Variants in NR2C2AP observed in about 807,000 individuals in gnomAD.
The protein encoded by NR2C2AP is nuclear receptor 2C2-associated protein.
Under a neutral mutation model 19.1 loss-of-function variants are expected in NR2C2AP, and 13 were observed. The ratio of observed to expected loss-of-function variants is 0.68; its 90% CI spans 0.44 to 1.08. The LOEUF (loss-of-function observed/expected upper bound fraction) is 1.08, where lower values mean the gene tolerates loss of function less well. NR2C2AP is among the 50% of genes least tolerant of loss of function. The pLI, the probability that NR2C2AP is intolerant of heterozygous loss-of-function variation, is 0.00. For missense variants in NR2C2AP, 181 were observed against 172.7 expected, an observed-to-expected ratio of 1.05 and a Z score of -0.27; for synonymous variants, 81 against 64.4, an observed-to-expected ratio of 1.26 and a Z score of -1.23.
intron 4 of NR2C2AP, 25 bp from the exon 5 acceptor site, chr19:19,202,066 C>CCAGAAATCACCAGTTTCCCT: frequency 6.2e-7 from 1 of 1,611,898 alleles, no homozygotes; most frequent in Non-Finnish European, 8.5e-7. Context: ...TCAAGGGAAA[C>CCAGAAATCACCAGTTTCCCT]TGGTGATTTC....
At position 19,202,498 on chromosome 19, in the gene NR2C2AP, G is replaced by A. The variant is rs140519538; in HGVS notation, c.207C>T (p.Gly69=). The A allele has an allele frequency of 2.5e-6, 4 of 1,614,090 alleles. No homozygotes were observed. Among genetic ancestry groups the A allele is most frequent in the Non-Finnish European group, 3.4e-6 (4 of 1,180,020 alleles). ...VSQLQIQFQG[G]FSSRRGCLEG... is the part of the protein sequence containing the mutation. ...CCAGGCAGCCCCGGCGACTGGAGAA[G>A]CCACCCTGAAACTGGATCTGCAGCT... Residue 69 remains glycine (G), a synonymous_variant, in exon 3 of 5, where the codon GGC becomes GGT. Coordinates refer to ENST00000331552, the MANE Select transcript of NR2C2AP (RefSeq NM_176880.6).
Position 19,202,414 on chromosome 19 carries a change from G to T in NR2C2AP, c.236-16C>A, listed in dbSNP as rs1212347776. ...CCCTGTGAACCTTCAGCAGAGAAAGGCAATGAGTGTCTGGGGTGACCCCTG... is the reference window on the plus strand; with the variant it reads ...CCCTGTGAACCTTCAGCAGAGAAAGTCAATGAGTGTCTGGGGTGACCCCTG... On this transcript the variant is annotated splice_polypyrimidine_tract_variant and intron_variant, in intron 3 of 4. Coordinates refer to ENST00000331552, the MANE Select transcript of NR2C2AP (RefSeq NM_176880.6). 5 of 1,613,872 alleles carry T rather than the reference G, an allele frequency of 3.1e-6. No individual in the cohort carries two copies. Among genetic ancestry groups the T allele is most frequent in the Middle Eastern group, 1.6e-4 (1 of 6,084 alleles).
Position 19,202,456 on chromosome 19 carries a change from G to A in NR2C2AP, c.235+14C>T, listed in dbSNP as rs772996150. 3.1e-6 allele frequency: 5 copies of A among 1,613,328 alleles called. No individual in the cohort carries two copies. In the African/African-American group the frequency reaches 6.7e-5, roughly 22 times the overall value. On this transcript the variant is annotated intron_variant, in intron 3 of 4. Transcript: ENST00000331552. ...TGACCCCTGGAACCCCTGCCACCCA[G>A]GGCCTTCTAGTACCTTCCAGGCAGC...
Position 19,201,467 on chromosome 19 carries a change from T to C in NR2C2AP, c.*458A>G, listed in dbSNP as rs775028129. The stretch of plus-strand genomic sequence containing the variant: ...CTGAAAAGCTACAAAAGTGCATTTT[T>C]ACAAACTTAGGGGAAGTTGAGGTTC... On this transcript the variant is annotated 3_prime_UTR_variant, in exon 5 of 5. Transcript: ENST00000331552. The C allele has an allele frequency of 1.3e-6, 2 of 1,564,666 alleles. No individual in the cohort carries two copies. The highest frequency in any genetic ancestry group is 4.7e-5 in the East Asian group (2 of 42,548).
At position 19,201,706 on chromosome 19, in the gene NR2C2AP, C is replaced by T; in HGVS notation, c.*219G>A. Reference sequence around the variant, plus strand: ...CTCTTCCAGAGCAACCTGGTGCCCGCTGACCCTGAGTGAAGGCCGCCTGCC... The same window carrying T: ...CTCTTCCAGAGCAACCTGGTGCCCGTTGACCCTGAGTGAAGGCCGCCTGCC... On this transcript the variant is annotated 3_prime_UTR_variant, in exon 5 of 5. Coordinates refer to ENST00000331552, the MANE Select transcript of NR2C2AP (RefSeq NM_176880.6). 6.2e-7 allele frequency: 1 copy of T among 1,614,134 alleles called. No homozygotes were observed. The highest frequency in any genetic ancestry group is 8.5e-7 in the Non-Finnish European group (1 of 1,180,024).
Position 19,202,585 on chromosome 19 carries a change from G to A in NR2C2AP, c.130-10C>T, listed in dbSNP as rs1287772568. ...CCCACTGGGAGGGGCCCTGGAAGCA[G>A]ACAGGGAAACTGAGGCGCAAGCTCA... On this transcript the variant is annotated splice_polypyrimidine_tract_variant and intron_variant, in intron 2 of 4. Coordinates refer to ENST00000331552, the MANE Select transcript of NR2C2AP (RefSeq NM_176880.6). 1 of 1,608,018 alleles carries A rather than the reference G, an allele frequency of 6.2e-7. No homozygotes were observed. Among genetic ancestry groups the A allele is most frequent in the Non-Finnish European group, 8.5e-7 (1 of 1,176,206 alleles).
At position 19,201,816 on chromosome 19, in the gene NR2C2AP, T is replaced by A; in HGVS notation, c.*109A>T. 6.2e-7 allele frequency: 1 copy of A among 1,612,154 alleles called. No homozygotes were observed. The highest frequency in any genetic ancestry group is 8.5e-7 in the Non-Finnish European group (1 of 1,179,084). Reference sequence around the variant, plus strand: ...ACTTCAAAGGCAGCTTCTGGACAGGTGGTGGGAGGGGACCCTTCCCAAGAG... The same window carrying A: ...ACTTCAAAGGCAGCTTCTGGACAGGAGGTGGGAGGGGACCCTTCCCAAGAG... On this transcript the variant is annotated 3_prime_UTR_variant, in exon 5 of 5. Transcript: ENST00000331552.
At chr19:19,202,708 C>T (rs1360637300) in intron 2 of NR2C2AP, 83 bp downstream of exon 2, 6 of 1,448,066 alleles carry the variant, frequency 4.1e-6, no homozygotes, top group Non-Finnish European at 4.8e-6. Flanking sequence ...CCTGGCCACC[C>T]ATGAGGGCCC....
At position 19,203,006 on chromosome 19, in the gene NR2C2AP, T is replaced by C; in HGVS notation, c.38+17A>G. 1.2e-6 allele frequency: 2 copies of C among 1,614,068 alleles called. No individual in the cohort carries two copies. Among genetic ancestry groups the C allele is most frequent in the Non-Finnish European group, 1.7e-6 (2 of 1,179,978 alleles). ...AGGCTTAGGGCCTCGCCACTGCCTG[T>C]CCCCACAGACTCTTACCTGCTCACT... On this transcript the variant is annotated intron_variant, in intron 1 of 4. Transcript: ENST00000331552.
chr19:19,202,786 C>T lies in NR2C2AP; in HGVS notation c.129+5G>A, dbSNP rs893887639. 1.2e-6 allele frequency: 2 copies of T among 1,613,032 alleles called. No individual in the cohort carries two copies. Among genetic ancestry groups the T allele is most frequent in the South Asian group, 2.2e-5 (2 of 91,064 alleles). On this transcript the variant is annotated splice_donor_5th_base_variant and intron_variant, in intron 2 of 4. Transcript: ENST00000331552. ...AGAGATGGAGGGTCGAGGGAGGCGCCTCACCTGGTCTGAGTTCCAACATGT... is the reference window on the plus strand; with the variant it reads ...AGAGATGGAGGGTCGAGGGAGGCGCTTCACCTGGTCTGAGTTCCAACATGT...
Position 19,203,382 on chromosome 19 carries a change from C to G in NR2C2AP, c.-322G>C, listed in dbSNP as rs1374549818. 2 of 454,450 alleles carry G rather than the reference C, an allele frequency of 4.4e-6. No homozygotes were observed. Among genetic ancestry groups the G allele is most frequent in the Middle Eastern group, 6.3e-4 (1 of 1,600 alleles). 28.2% of individuals were successfully genotyped at this position (454,450 alleles called of 1,614,324 possible). On this transcript the variant is annotated 5_prime_UTR_variant, in exon 1 of 5. Coordinates refer to ENST00000331552, the MANE Select transcript of NR2C2AP (RefSeq NM_176880.6). ...TGCGAGGCTGTTTCTCTGCGAATAG[C>G]TCTTGGAGCCAAATCTTGGGACCCG...
chr19:19,202,949 C>T (rs2060741121), intron 1 of NR2C2AP, 68 bp from the exon 2 acceptor site: 2 of 1,608,258 alleles, frequency 1.2e-6, no homozygotes, highest in Non-Finnish European at 1.7e-6. Context: ...GAGGGCCTGA[C>T]CCCCAGATCT....
chr19:19,202,409 G>A lies in NR2C2AP; in HGVS notation c.236-11C>T. 6.2e-7 allele frequency: 1 copy of A among 1,614,072 alleles called. No homozygotes were observed. The highest frequency in any genetic ancestry group is 8.5e-7 in the Non-Finnish European group (1 of 1,179,964). ...GAGTGCCCTGTGAACCTTCAGCAGAGAAAGGCAATGAGTGTCTGGGGTGAC... is the reference window on the plus strand; with the variant it reads ...GAGTGCCCTGTGAACCTTCAGCAGAAAAAGGCAATGAGTGTCTGGGGTGAC... On this transcript the variant is annotated splice_polypyrimidine_tract_variant and intron_variant, in intron 3 of 4. Coordinates refer to ENST00000331552, the MANE Select transcript of NR2C2AP (RefSeq NM_176880.6).
At position 19,201,574 on chromosome 19, in the gene NR2C2AP, A is replaced by G; in HGVS notation, c.*351T>C. ...GTCCCTGTTTGTCCCCTAAGGGGAG[A>G]GCGCAGGTTGGCCTGTGCCTCCACC... On this transcript the variant is annotated 3_prime_UTR_variant, in exon 5 of 5. Coordinates refer to ENST00000331552, the MANE Select transcript of NR2C2AP (RefSeq NM_176880.6). 1 of 1,610,656 alleles carries G rather than the reference A, an allele frequency of 6.2e-7. No individual in the cohort carries two copies. The highest frequency in any genetic ancestry group is 8.5e-7 in the Non-Finnish European group (1 of 1,179,874).
At position 19,202,522 on chromosome 19, in the gene NR2C2AP, C is replaced by T. The variant is rs1404122235; in HGVS notation, c.183G>A (p.Gln61=). Residue 61 remains glutamine, a synonymous_variant, in exon 3 of 5, where the codon CAG becomes CAA. Transcript: ENST00000331552. The part of the protein sequence containing the change: ...LEFPQLIRVS[Q]LQIQFQGGFS... ...AGCCACCCTGAAACTGGATCTGCAG[C>T]TGGGAGACACGGATGAGCTGGGGAA... 2 of 1,613,754 alleles carry T rather than the reference C, an allele frequency of 1.2e-6. No individual in the cohort carries two copies. The highest frequency in any genetic ancestry group is 1.1e-5 in the South Asian group (1 of 91,084).
rs750765021 is a variant in NR2C2AP, at chr19:19,201,499, T to C, written c.*426A>G. The C allele has an allele frequency of 3.1e-6, 5 of 1,595,544 alleles. No homozygotes were observed. The East Asian group carries it at 9.0e-5, about 29-fold the overall frequency. ...TTAGGGGAAGTTGAGGTTCCTGGGG[T>C]GAGTCCTCGGTTCTCCCAGCTTTGC... On this transcript the variant is annotated 3_prime_UTR_variant, in exon 5 of 5. Coordinates refer to ENST00000331552, the MANE Select transcript of NR2C2AP (RefSeq NM_176880.6).
rs766221460 is a variant in NR2C2AP, at chr19:19,203,098, C to T, written c.-38G>A. On this transcript the variant is annotated 5_prime_UTR_variant, in exon 1 of 5. Transcript: ENST00000331552. The stretch of plus-strand genomic sequence containing the variant: ...AGACCTCGCAGGGCTTAGGATTGGG[C>T]ACAGCCTTGGTTCGAATCCCGGCGC... The T allele has an allele frequency of 3.5e-5, 57 of 1,612,178 alleles. No individual in the cohort carries two copies. The South Asian group carries it at 6.1e-4, about 17-fold the overall frequency.
rs1317729252 is a variant in NR2C2AP at position 19,201,879 on chromosome 19, C to T, written c.*46G>A. ...CTTCTGTGCAGAATGAGGGACTTTG[C>T]TGTGCTTCCCGGAGGGCTTCCTGGA... is the stretch of plus-strand genomic sequence containing the variant. On this transcript the variant is annotated 3_prime_UTR_variant, in exon 5 of 5. Transcript: ENST00000331552. 3.1e-6 allele frequency: 5 copies of T among 1,613,228 alleles called. No homozygotes were observed. In the South Asian group the frequency reaches 3.3e-5, roughly 11 times the overall value.
chr19:19,202,141 C>G (rs1165680853), intron 4 of NR2C2AP, 100 bp from the exon 5 acceptor site: 2 of 1,348,230 alleles, frequency 1.5e-6, no homozygotes, highest in Middle Eastern at 2.4e-4. Context: ...ATGTGGGCAA[C>G]CTGGGGAAGC....
Sources: gnomAD v4.1 joint callset for allele counts on GRCh38, gnomAD v4.1.1 for gene constraint, MANE v1.5 for transcripts, NCBI Gene and HGNC (gene_info 2026-07-23, HGNC 2026-07-21) for gene names.